The following SPRY1 variants were observed in gnomAD, a reference collection of about 807,000 sequenced individuals.
The protein encoded by SPRY1 is sprouty RTK signaling antagonist 1.
SPRY1 carries 20 observed loss-of-function variants against 22.6 expected under a neutral mutation model. The observed-to-expected ratio is 0.89, with a 90% CI of 0.62 to 1.29. The LOEUF (loss-of-function observed/expected upper bound fraction) is 1.29. Ranked by LOEUF, SPRY1 falls within the 50% of genes most tolerant of loss-of-function variation. The pLI is 0.00. For synonymous variants in SPRY1, 155 were observed against 144.7 expected, an observed-to-expected ratio of 1.07 and a Z score of -0.51; for missense variants, 446 against 387.7, an observed-to-expected ratio of 1.15 and a Z score of -1.26.
rs775836326 is a variant in SPRY1 at position 123,402,086 on chromosome 4, C to T, written c.495C>T (p.Asp165=). The T allele has an allele frequency of 1.5e-5, 24 of 1,614,076 alleles. No homozygotes were observed. The highest frequency in any genetic ancestry group is 2.0e-5 in the Non-Finnish European group (24 of 1,180,046). The stretch of plus-strand genomic sequence containing the variant: ...AGCCCAAGCAACTGATTGTGGATGA[C>T]TTGAAGGGTTCCTTGAAAGAGGACC... ...RTQPKQLIVD[D]LKGSLKEDLT... is the part of the protein sequence containing the mutation. Residue 165 remains aspartate (D), a synonymous_variant, in exon 3 of 3, where the codon GAC becomes GAT. Transcript: ENST00000651917.
intron 2 of SPRY1, 47 bp from the exon 3 acceptor site, chr4:123,401,490 T>C: frequency 3.5e-6 from 5 of 1,409,998 alleles, no homozygotes; most frequent in Non-Finnish European, 4.7e-6. Flanking sequence ...AAAAAAATGC[T>C]TCCTGTCATT....
At chr4:123,400,534 A>T (rs1450845248) in intron 2 of SPRY1, among the ~76,000 whole-genome samples, 1 of 152,272 alleles carries the variant, frequency 6.6e-6, no homozygotes, top group East Asian at 1.9e-4. Flanking sequence ...CACATAAATT[A>T]GAAATAACTT....
intron 2 of SPRY1, chr4:123,400,450 A>G (rs532400693): frequency 7.6e-4 from 115 of 152,228 alleles, no homozygotes; most frequent in African/African-American, 2.7e-3. Context: ...TAGACTTTAG[A>G]AGGAATTTGT....
chr4:123,402,488 C>T lies in SPRY1; in HGVS notation c.897C>T (p.Asn299=), dbSNP rs1725214241. The change falls in exon 3 of 3, where the codon AAC becomes AAT. Residue 299 remains asparagine, a synonymous_variant. Transcript: ENST00000651917. ...WIHRPGCRCK[N]SNTVYCKLES... ...ATCGCCCAGGGTGCAGATGTAAGAA[C>T]TCCAACACTGTCTATTGTAAGCTGG... is the stretch of plus-strand genomic sequence containing the variant. 5.0e-6 allele frequency: 8 copies of T among 1,614,206 alleles called. No individual in the cohort carries two copies. The highest frequency in any genetic ancestry group is 3.3e-4 in the Middle Eastern group (2 of 6,062).
rs1560732083 is a variant in SPRY1, at chr4:123,401,474, C to CA, written c.-55-63_-55-62insA. 3.1e-6 allele frequency: 4 copies of CA among 1,311,262 alleles called. No individual in the cohort carries two copies. In the African/African-American group the frequency reaches 6.2e-5, roughly 20 times the overall value. The allele number at this position is 1,311,262 out of a possible 1,614,324, so 81.2% of individuals were successfully genotyped here. A position where few individuals can be genotyped will look rare whatever the true frequency, so the allele number is the denominator to read the frequency against. On this transcript the variant is annotated intron_variant, in intron 2 of 2. Coordinates refer to ENST00000651917, the MANE Select transcript of SPRY1 (RefSeq NM_001258038.2). ...ATTTGTGATTTGACAGGATTCCCCCCCCCCAAAAAAAATGCTTCCTGTCAT... is the reference window on the plus strand; with the variant it reads ...ATTTGTGATTTGACAGGATTCCCCCCACCCCAAAAAAAATGCTTCCTGTCAT...
At chr4:123,399,130 A>G (rs1725040873) in intron 2 of SPRY1, among the ~76,000 whole-genome samples, 1 of 115,610 alleles carries the variant, frequency 8.6e-6, no homozygotes, top group South Asian at 2.5e-4. Context: ...TAATCCCAGC[A>G]CTTGGGGGGG....
intron 2 of SPRY1, chr4:123,399,508 A>G (rs1034053297): frequency 2.0e-5 from 3 of 152,286 alleles, no homozygotes; most frequent in Admixed American, 2.0e-4. Flanking sequence ...TCTTCCGTCA[A>G]CTATTTATTC....
chr4:123,402,027 C>T lies in SPRY1; in HGVS notation c.436C>T (p.Pro146Ser). The stretch of plus-strand genomic sequence containing the variant: ...AAGGTCACCACCAACCAGACCAGTC[C>T]CTGGTCATAGGTCTGAAAGGGCAAT... The part of the protein sequence containing the change: ...LGRSPPTRPV[P>S]GHRSERAIRT... The change falls in exon 3 of 3, where the codon CCT becomes TCT. Residue 146 changes from proline to serine, a missense_variant. Physicochemically the swap from Pro to Ser is moderately conservative, Grantham distance 74. Transcript: ENST00000651917. 1 of 1,614,080 alleles carries T rather than the reference C, an allele frequency of 6.2e-7. No homozygotes were observed. Among genetic ancestry groups the T allele is most frequent in the Non-Finnish European group, 8.5e-7 (1 of 1,180,024 alleles).
At chr4:123,401,404 T>C in intron 2 of SPRY1, 133 bp from the exon 3 acceptor site, 1 of 718,020 alleles carries the variant, frequency 1.4e-6, no homozygotes, top group East Asian at 2.7e-5. Context: ...CCCAGCATCA[T>C]TGTAATCCAC....
chr4:123,402,427 G>C lies in SPRY1; in HGVS notation c.836G>C (p.Cys279Ser), dbSNP rs750140832. ...CTCTGTTATCCTCCTGCTAAAGGAT[G>C]CCTGAAGCTGTGCAGGAGGTGTTAT... Reference protein sequence around the residue: ...CLLCYPPAKGCLKLCRRCYDW... With the variant: ...CLLCYPPAKGSLKLCRRCYDW... The change falls in exon 3 of 3, where the codon TGC (cysteine) becomes TCC (serine). Residue 279 changes from cysteine (C) to serine (S), a missense_variant. Cys to Ser is a moderately radical substitution (Grantham distance 112). Transcript: ENST00000651917. 1.2e-6 allele frequency: 2 copies of C among 1,614,152 alleles called. No individual in the cohort carries two copies. Among genetic ancestry groups the C allele is most frequent in the South Asian group, 2.2e-5 (2 of 91,078 alleles).
At chr4:123,399,375 C>CA (rs747874131) in intron 2 of SPRY1, 1,511 of 143,544 alleles carry the variant, frequency 0.011, 15 homozygotes, top group African/African-American at 0.028. Flanking sequence ...GACTCCGGCT[C>CA]AAAAAAAAAA....
Position 123,402,349 on chromosome 4 carries a change from G to GCTGC in SPRY1, c.759_762dup (p.Ser255LeufsTer3). ...CCTTGCTCCTGTTCACAATCACACT[G>GCTGC]CTGCTCTAGATACCTGTGTATGGGA... On this transcript the variant is annotated frameshift_variant, in exon 3 of 3. Coordinates refer to ENST00000651917, the MANE Select transcript of SPRY1 (RefSeq NM_001258038.2). LOFTEE classifies it high-confidence loss of function. The GCTGC allele has an allele frequency of 6.2e-7, 1 of 1,614,172 alleles. No homozygotes were observed. Among genetic ancestry groups the GCTGC allele is most frequent in the Non-Finnish European group, 8.5e-7 (1 of 1,180,028 alleles).
At chr4:123,401,403 A>C in intron 2 of SPRY1, 134 bp from the exon 3 acceptor site, 1 of 715,226 alleles carries the variant, frequency 1.4e-6, no homozygotes, top group Non-Finnish European at 2.3e-6. Context: ...CCCCAGCATC[A>C]TTGTAATCCA....
At position 123,402,526 on chromosome 4, in the gene SPRY1, C is replaced by G. The variant is rs1211718459; in HGVS notation, c.935C>G (p.Ser312Cys). The change falls in exon 3 of 3, where the codon TCC (serine) becomes TGC (cysteine). Residue 312 changes from serine to cysteine, a missense_variant. By Grantham distance (112) the Ser-to-Cys change is moderately radical (BLOSUM62 -1). Coordinates refer to ENST00000651917, the MANE Select transcript of SPRY1 (RefSeq NM_001258038.2). ...TATTGTAAGCTGGAGAGCTGCCCCT[C>G]CCGGGGTCAGGGTAAACCATCATGA... The part of the protein sequence containing the change: ...TVYCKLESCP[S>C]RGQGKPS The G allele has an allele frequency of 1.9e-6, 3 of 1,613,528 alleles. No individual in the cohort carries two copies. The highest frequency in any genetic ancestry group is 1.7e-6 in the Non-Finnish European group (2 of 1,179,546).
intron 2 of SPRY1, chr4:123,399,393 A>T (rs1468388209): frequency 6.6e-6 from 1 of 151,354 alleles, no homozygotes; most frequent in African/African-American, 2.4e-5. Flanking sequence ...AAAAGTGGGG[A>T]AGTCCGCCCT....
rs755205655 is a variant in SPRY1 at position 123,401,661 on chromosome 4, C to G, written c.70C>G (p.Arg24Gly). 9 of 1,613,974 alleles carry G rather than the reference C, an allele frequency of 5.6e-6. No homozygotes were observed. The East Asian group carries it at 1.6e-4, about 28-fold the overall frequency. Residue 24 changes from arginine (R) to glycine (G), a missense_variant, in exon 3 of 3, where the codon CGT (arginine) becomes GGT (glycine). By Grantham distance (125) the Arg-to-Gly change is moderately radical. Coordinates refer to ENST00000651917, the MANE Select transcript of SPRY1 (RefSeq NM_001258038.2). ...GATCCAGCAGCCTTCTTTGGATAGCCGTCAGAGATTAGACTATGAGAGAGA... is the reference window on the plus strand; with the variant it reads ...GATCCAGCAGCCTTCTTTGGATAGCGGTCAGAGATTAGACTATGAGAGAGA... ...VVIQQPSLDSRQRLDYEREIQ... is the reference protein window; with the variant it reads ...VVIQQPSLDSGQRLDYEREIQ...
chr4:123,402,661 T>A lies in SPRY1; in HGVS notation c.*110T>A. 1 of 1,378,972 alleles carries A rather than the reference T, an allele frequency of 7.3e-7. No individual in the cohort carries two copies. The highest frequency in any genetic ancestry group is 2.5e-5 in the Admixed American group (1 of 40,698). 85.4% of individuals were successfully genotyped at this position (1,378,972 alleles called of 1,614,324 possible). A position where few individuals can be genotyped will look rare whatever the true frequency, so the allele number is the denominator to read the frequency against. On this transcript the variant is annotated 3_prime_UTR_variant, in exon 3 of 3. Transcript: ENST00000651917. ...TAGAATTTTTCCCTGTTTCCCACCT[T>A]CTCTTCCCCTGTTGCCAAGGTCTAA...
intron 1 of SPRY1, among the ~76,000 whole-genome samples, 156 bp from the exon 2 acceptor site, chr4:123,397,455 C>T (rs1724954698): frequency 6.6e-6 from 1 of 152,196 alleles, no homozygotes; most frequent in Non-Finnish European, 1.5e-5. Context: ...TCGCGGCTGA[C>T]ACGCCGACTG....
intron 1 of SPRY1, 133 bp downstream of exon 1, chr4:123,397,065 G>C (rs1443286087): frequency 1.3e-5 from 2 of 152,132 alleles, no homozygotes; most frequent in African/African-American, 4.8e-5. Flanking sequence ...TCAAAACACC[G>C]GTAGCATTCC....
Sources: allele counts gnomAD v4.1 joint callset (sites outside exome capture counted in the v4.1 genomes callset), GRCh38; gene constraint gnomAD v4.1.1; transcripts MANE v1.5; gene names NCBI Gene and HGNC (gene_info 2026-07-23, HGNC 2026-07-21).